ZRANB3: variants seen among roughly 807,000 people sequenced by gnomAD.
ZRANB3 encodes the protein zinc finger RANBP2-type containing 3.
ZRANB3 carries 125 observed loss-of-function variants against 133.8 expected under a neutral mutation model. The observed-to-expected ratio is 0.93, with a 90% CI of 0.81 to 1.08. The LOEUF is 1.08. ZRANB3 is among the 50% of genes least tolerant of loss of function. ZRANB3 has a pLI of 0.00. For synonymous variants in ZRANB3, 387 were observed against 432.7 expected, an observed-to-expected ratio of 0.89 and a Z score of 1.31; for missense variants, 1,229 against 1,275.5, an observed-to-expected ratio of 0.96 and a Z score of 0.56.
At chr2:135,240,881 C>T (rs954286263) in intron 12 of ZRANB3, among the ~76,000 whole-genome samples, 1 of 152,204 alleles carries the variant, frequency 6.6e-6, no homozygotes, top group East Asian at 1.9e-4. Context: ...TGCCTGACCT[C>T]TCAAATCCTT....
chr2:135,216,818 A>T (rs570611638), intron 17 of ZRANB3, among the ~76,000 whole-genome samples: 4 of 152,290 alleles, frequency 2.6e-5, no homozygotes, highest in African/African-American at 7.2e-5. Flanking sequence ...TCATGCTAAG[A>T]AAAGAGTTTA....
intron 16 of ZRANB3, among the ~76,000 whole-genome samples, chr2:135,218,627 G>T (rs1694411038): frequency 6.6e-6 from 1 of 152,168 alleles, no homozygotes; most frequent in African/African-American, 2.4e-5. Flanking sequence ...ACAGATCAGT[G>T]TTAAGACCTC....
At chr2:135,462,288 C>T (rs1189410733) in intron 2 of ZRANB3, among the ~76,000 whole-genome samples, 1 of 152,182 alleles carries the variant, frequency 6.6e-6, no homozygotes, top group African/African-American at 2.4e-5. Flanking sequence ...GCTCCTCCTT[C>T]CCTATAAATG....
intron 3 of ZRANB3, among the ~76,000 whole-genome samples, chr2:135,386,065 A>G (rs1327174276): frequency 6.6e-6 from 1 of 151,424 alleles, no homozygotes; most frequent in African/African-American, 2.4e-5. Context: ...AACATACAGA[A>G]TGGGAGAAAA....
rs766138879 is a variant in ZRANB3, at chr2:135,207,603, C to T, written c.2840G>A (p.Arg947Gln). 1.1e-5 allele frequency: 17 copies of T among 1,613,868 alleles called. No individual in the cohort carries two copies. The East Asian group carries it at 2.0e-4, about 19-fold the overall frequency. ...GGCTCTCAGGTAACTGTTATTAGAT[C>T]GAATCCAAAACTCTTCCTGACATTT... is the stretch of plus-strand genomic sequence containing the variant. ...SLKCQEEFWI[R>Q]SNNSYLRAKV... Residue 947 changes from arginine (R) to glutamine (Q), a missense_variant, in exon 19 of 21, where the codon CGA becomes CAA. Coordinates refer to ENST00000264159, the MANE Select transcript of ZRANB3 (RefSeq NM_032143.4).
At chr2:135,249,158 T>C (rs959566651) in intron 12 of ZRANB3, among the ~76,000 whole-genome samples, 1 of 152,208 alleles carries the variant, frequency 6.6e-6, no homozygotes, top group Non-Finnish European at 1.5e-5. Context: ...GAGTGTAAAT[T>C]AGTTCAACTA....
chr2:135,365,569 T>C (rs746791762), intron 3 of ZRANB3, among the ~76,000 whole-genome samples: 1 of 152,218 alleles, frequency 6.6e-6, no homozygotes, highest in Non-Finnish European at 1.5e-5. Flanking sequence ...TGAAAAATAC[T>C]AAATTTTCTA....
chr2:135,420,446 G>A (rs1688792925), intron 2 of ZRANB3, among the ~76,000 whole-genome samples: 1 of 152,004 alleles, frequency 6.6e-6, no homozygotes, highest in East Asian at 1.9e-4. Flanking sequence ...TCTATGGTGA[G>A]GTAGTAGGGG....
In ZRANB3 at chr2:135,224,531, CA is replaced by C. The variant is rs1257154565; in HGVS notation, c.2159-15del. 1.9e-6 allele frequency: 3 copies of C among 1,599,400 alleles called. No individual in the cohort carries two copies. The highest frequency in any genetic ancestry group is 2.6e-6 in the Non-Finnish European group (3 of 1,169,528). On this transcript the variant is annotated splice_polypyrimidine_tract_variant and intron_variant, in intron 14 of 20. Transcript: ENST00000264159. ...TCTTCCACTGTTCTATTAAAGAAGA[CA>C]AAAGAGAACCTGAAGGCTTATCTAC...
chr2:135,274,670 C>G (rs1446407498), intron 9 of ZRANB3, among the ~76,000 whole-genome samples: 4 of 151,468 alleles, frequency 2.6e-5, no homozygotes, highest in South Asian at 2.1e-4. Context: ...GTGTTTCTCG[C>G]AGAGGGGGAT....
intron 2 of ZRANB3, among the ~76,000 whole-genome samples, chr2:135,403,244 C>A (rs1180549794): frequency 1.3e-5 from 2 of 152,164 alleles, no homozygotes; most frequent in East Asian, 3.9e-4. Flanking sequence ...AACATCAGGT[C>A]CCTCCCACCC....
intron 12 of ZRANB3, among the ~76,000 whole-genome samples, chr2:135,231,263 G>C (rs896155230): frequency 6.6e-6 from 1 of 152,104 alleles, no homozygotes; most frequent in Admixed American, 6.6e-5. Flanking sequence ...GCTTTAGAGA[G>C]GTAAGATAAC....
At chr2:135,308,666 C>G (rs1682817250) in intron 8 of ZRANB3, among the ~76,000 whole-genome samples, 4 of 152,114 alleles carry the variant, frequency 2.6e-5, no homozygotes, top group Admixed American at 2.0e-4. Context: ...AGGTCTTCCT[C>G]TGTTACTCAG....
At position 135,350,171 on chromosome 2, in the gene ZRANB3, A is replaced by G. The variant is rs372077058; in HGVS notation, c.404T>C (p.Leu135Ser). ...SKVTVLGYGL[L>S]TADAKTLIDA... Reference sequence around the variant, plus strand: ...TATCAAAGTCTTTGCATCTGCGGTTAAGAGACCATAACCCAGAACTGTCAC... The same window carrying G: ...TATCAAAGTCTTTGCATCTGCGGTTGAGAGACCATAACCCAGAACTGTCAC... Residue 135 changes from leucine to serine, a missense_variant, in exon 5 of 21, where the codon TTA becomes TCA. Leu to Ser is a moderately radical substitution (Grantham distance 145). Transcript: ENST00000264159. 5.6e-6 allele frequency: 9 copies of G among 1,608,596 alleles called. No individual in the cohort carries two copies. Among genetic ancestry groups the G allele is most frequent in the Non-Finnish European group, 7.6e-6 (9 of 1,177,248 alleles).
intron 18 of ZRANB3, 101 bp downstream of exon 18, chr2:135,208,766 TA>T: frequency 9.9e-7 from 1 of 1,005,926 alleles, no homozygotes; most frequent in African/African-American, 1.6e-5. Context: ...TTGTAACCTC[TA>T]AAGTGGTCAT....
intron 15 of ZRANB3, among the ~76,000 whole-genome samples, chr2:135,222,834 G>C (rs1039876834): frequency 3.3e-5 from 5 of 152,044 alleles, no homozygotes; most frequent in African/African-American, 1.2e-4. Flanking sequence ...TTGTTGGCCA[G>C]GCATAGTGGC....
At chr2:135,214,158 C>T (rs182513623) in intron 17 of ZRANB3, among the ~76,000 whole-genome samples, 4 of 152,264 alleles carry the variant, frequency 2.6e-5, no homozygotes, top group African/African-American at 7.2e-5. Context: ...CTAGTAATAG[C>T]CAACTTGGAC....
intron 3 of ZRANB3, among the ~76,000 whole-genome samples, chr2:135,371,915 C>A (rs1686199235): frequency 6.6e-6 from 1 of 152,136 alleles, no homozygotes; most frequent in Non-Finnish European, 1.5e-5. Context: ...GTGGCTCACA[C>A]CTGTAATTCT....
chr2:135,241,916 AC>A (rs1233351128), intron 12 of ZRANB3, among the ~76,000 whole-genome samples: 1 of 152,128 alleles, frequency 6.6e-6, no homozygotes, highest in Admixed American at 6.5e-5. Flanking sequence ...ATGGTGGCTC[AC>A]GCCTGTAATC....
Sources: gnomAD v4.1 joint callset for allele counts (sites outside exome capture counted in the v4.1 genomes callset) on GRCh38, gnomAD v4.1.1 for gene constraint, MANE v1.5 for transcripts, NCBI Gene and HGNC (gene_info 2026-07-23, HGNC 2026-07-21) for gene names.